FBXW7: variants seen among roughly 807,000 people sequenced by gnomAD.
FBXW7 encodes the protein F-box and WD repeat domain containing 7.
FBXW7 carries 11 observed loss-of-function variants against 86.3 expected under a neutral mutation model. That is an observed-to-expected ratio of 0.13 (90% confidence interval 0.08 to 0.21). The LOEUF (loss-of-function observed/expected upper bound fraction) is 0.21. Ranked by LOEUF, FBXW7 falls within the 10% of genes least tolerant of loss-of-function variation. FBXW7 has a pLI of 1.00. For missense variants in FBXW7, 488 were observed against 847.4 expected, an observed-to-expected ratio of 0.58 and a Z score of 5.27; for synonymous variants, 313 against 297.9, an observed-to-expected ratio of 1.05 and a Z score of -0.52.
chr4:152,511,960 A>C (rs763662568), intron 2 of FBXW7, among the ~76,000 whole-genome samples: 18 of 152,302 alleles, frequency 1.2e-4, no homozygotes, highest in Middle Eastern at 3.4e-3. Context: ...CAAAAGACTC[A>C]GAAAAAAACA....
At chr4:152,533,648 G>A (rs1750204714) in intron 2 of FBXW7, among the ~76,000 whole-genome samples, 1 of 152,182 alleles carries the variant, frequency 6.6e-6, no homozygotes, top group Non-Finnish European at 1.5e-5. Flanking sequence ...ATTAAGAAAA[G>A]ATGAACTGAG....
intron 4 of FBXW7, among the ~76,000 whole-genome samples, chr4:152,381,830 G>A (rs1735103184): frequency 6.6e-6 from 1 of 152,108 alleles, no homozygotes; most frequent in Non-Finnish European, 1.5e-5. Flanking sequence ...TATTTCCCAT[G>A]TATAAGGAGA....
chr4:152,499,416 C>T (rs1746693115), intron 2 of FBXW7, among the ~76,000 whole-genome samples: 1 of 152,282 alleles, frequency 6.6e-6, no homozygotes, highest in East Asian at 1.9e-4. Flanking sequence ...ATTTATCCAA[C>T]ATTGAGAGGC....
chr4:152,359,548 C>A (rs2126690768), intron 4 of FBXW7, among the ~76,000 whole-genome samples: 1 of 152,184 alleles, frequency 6.6e-6, no homozygotes, highest in East Asian at 1.9e-4. Flanking sequence ...ATGATCACAG[C>A]ACTCTACTCC....
chr4:152,500,451 C>T (rs1746818042), intron 2 of FBXW7, among the ~76,000 whole-genome samples: 1 of 144,308 alleles, frequency 6.9e-6, no homozygotes, highest in Admixed American at 7.1e-5. Context: ...TCATCATCAT[C>T]ACCCATTTCT....
At chr4:152,486,148 G>A (rs1745319974) in intron 2 of FBXW7, among the ~76,000 whole-genome samples, 1 of 152,018 alleles carries the variant, frequency 6.6e-6, no homozygotes, top group Admixed American at 6.6e-5. Context: ...GCCTATATAG[G>A]GCACTTACTA....
At chr4:152,487,396 A>C (rs1391635579) in intron 2 of FBXW7, among the ~76,000 whole-genome samples, 2 of 152,138 alleles carry the variant, frequency 1.3e-5, no homozygotes, top group Non-Finnish European at 2.9e-5. Context: ...GGATAAAATA[A>C]ACAAACTTTA....
At chr4:152,412,049 A>G (rs930362523) in intron 3 of FBXW7, among the ~76,000 whole-genome samples, 177 bp from the exon 4 acceptor site, 3 of 152,146 alleles carry the variant, frequency 2.0e-5, no homozygotes, top group Non-Finnish European at 2.9e-5. Context: ...TAAAAGTTAT[A>G]AGACTTTATA....
chr4:152,467,036 C>T (rs1284321229), intron 2 of FBXW7, among the ~76,000 whole-genome samples: 2 of 152,070 alleles, frequency 1.3e-5, no homozygotes, highest in African/African-American at 2.4e-5. Flanking sequence ...CCTGATAATC[C>T]TTAGTCTAAA....
intron 2 of FBXW7, among the ~76,000 whole-genome samples, chr4:152,530,049 C>G (rs1214094397): frequency 7.0e-6 from 1 of 141,850 alleles, no homozygotes; most frequent in African/African-American, 2.6e-5. Context: ...GAATGAGACC[C>G]CGTCACAAAA....
intron 2 of FBXW7, among the ~76,000 whole-genome samples, chr4:152,455,655 ATTCC>A (rs1742331951): frequency 6.6e-6 from 1 of 152,208 alleles, no homozygotes; most frequent in African/African-American, 2.4e-5. Context: ...TTACAGCGGC[ATTCC>A]ACTTACAGGC....
rs1389501826 is a variant in FBXW7 at position 152,321,153 on chromosome 4, C to T, written c.*1728G>A. 4.9e-6 allele frequency: 1 copy of T among 205,034 alleles called. No individual in the cohort carries two copies. 12.7% of individuals were successfully genotyped at this position (205,034 alleles called of 1,614,324 possible). Reference sequence around the variant, plus strand: ...TTGAAGTATTGATTTCTATGTCACACAGCAGGATGCAAAGAAACCAAGATT... The same window carrying T: ...TTGAAGTATTGATTTCTATGTCACATAGCAGGATGCAAAGAAACCAAGATT... On this transcript the variant is annotated 3_prime_UTR_variant, in exon 14 of 14. Transcript: ENST00000281708.
At chr4:152,439,747 T>A (rs540802094) in intron 2 of FBXW7, among the ~76,000 whole-genome samples, 3 of 151,194 alleles carry the variant, frequency 2.0e-5, no homozygotes, top group African/African-American at 4.9e-5. Context: ...GCACCTGTAG[T>A]CCCAGCTACT....
chr4:152,423,168 T>C (rs1389109444), intron 2 of FBXW7, among the ~76,000 whole-genome samples: 2 of 152,208 alleles, frequency 1.3e-5, no homozygotes, highest in East Asian at 1.9e-4. Flanking sequence ...GCTGTTGATA[T>C]TCATTGCCTC....
Position 152,411,452 on chromosome 4 carries a change from T to TCTC in FBXW7, c.349_351dup (p.Glu117dup), listed in dbSNP as rs751645930. ...TCAAAATCGTCACTCTCCTGGTCCA[T>TCTC]CTCCTCCTCCTCCTCATCCTCCTCA... is the stretch of plus-strand genomic sequence containing the variant. On this transcript the variant is annotated inframe_insertion, in exon 4 of 14. Transcript: ENST00000281708. The TCTC allele has an allele frequency of 4.3e-6, 7 of 1,613,158 alleles. No individual in the cohort carries two copies. Among genetic ancestry groups the TCTC allele is most frequent in the African/African-American group, 4.0e-5 (3 of 74,876 alleles).
intron 4 of FBXW7, among the ~76,000 whole-genome samples, chr4:152,405,303 A>G (rs1446665566): frequency 6.6e-6 from 1 of 152,174 alleles, no homozygotes; most frequent in African/African-American, 2.4e-5. Context: ...CATGAAGAGA[A>G]GCAAGAACAG....
intron 5 of FBXW7, chr4:152,348,680 C>G (rs899049224): frequency 3.0e-5 from 34 of 1,131,130 alleles, no homozygotes; most frequent in Non-Finnish European, 3.9e-5. Flanking sequence ...ATACCTTTGT[C>G]CTGGTATCAG....
At chr4:152,323,893 C>A in intron 13 of FBXW7, 1 of 278,734 alleles carries the variant, frequency 3.6e-6, no homozygotes, top group Non-Finnish European at 6.8e-6. Context: ...GAGTACGTTG[C>A]TTCTATGATA....
chr4:152,382,273 T>C (rs767605516), intron 4 of FBXW7: 19 of 1,605,400 alleles, frequency 1.2e-5, no homozygotes, highest in Non-Finnish European at 4.3e-6. Flanking sequence ...GAGGCTCTTT[T>C]GCACTTTTAA....
Sources: allele counts gnomAD v4.1 joint callset (sites outside exome capture counted in the v4.1 genomes callset), GRCh38; gene constraint gnomAD v4.1.1; transcripts MANE v1.5; gene names NCBI Gene and HGNC (gene_info 2026-07-23, HGNC 2026-07-21).